Variants in PLEKHH1 observed in about 807,000 individuals in gnomAD.
PLEKHH1 encodes the protein pleckstrin homology domain-containing family H member 1.
In PLEKHH1, 104 loss-of-function variants were observed where a neutral mutation model predicts 160.0. That is an observed-to-expected ratio of 0.65 (90% CI 0.55 to 0.76). PLEKHH1 has a LOEUF of 0.76. PLEKHH1 is among the 30% of genes least tolerant of loss of function. The probability of loss-of-function intolerance (pLI) is 0.00; values close to 1 mark genes in which losing one functional copy is unlikely to be tolerated. For missense variants in PLEKHH1, 1,427 were observed against 1,724.1 expected (o/e 0.83, Z 3.05); for synonymous variants, 619 against 678.4 (o/e 0.91, Z 1.36).
chr14:67,550,381 G>A (rs371564057), intron 2 of PLEKHH1, among the ~76,000 whole-genome samples: 2 of 152,140 alleles, frequency 1.3e-5, no homozygotes, highest in Non-Finnish European at 2.9e-5. Context: ...TAGAGACAAG[G>A]TTTCAACATG....
chr14:67,581,456 G>A (rs190216767), intron 23 of PLEKHH1: 6 of 174,484 alleles, frequency 3.4e-5, no homozygotes, highest in Admixed American at 3.3e-4. Flanking sequence ...AACCTGGGAG[G>A]TTGAGGCTGC....
rs1343965601 is a variant in PLEKHH1, at chr14:67,571,739, G to C, written c.1435-13G>C. 1 of 1,608,156 alleles carries C rather than the reference G, an allele frequency of 6.2e-7. No individual in the cohort carries two copies. Among genetic ancestry groups the C allele is most frequent in the African/African-American group, 1.3e-5 (1 of 74,776 alleles). On this transcript the variant is annotated splice_polypyrimidine_tract_variant and intron_variant, in intron 9 of 28. Transcript: ENST00000329153. ...CAGCCTGAGCTGCAGTGAGGGAGGG[G>C]CCTGTCTTGCAGAGAGCTACACAGA... is the stretch of plus-strand genomic sequence containing the variant.
In PLEKHH1 at chr14:67,574,011, C is replaced by A; in HGVS notation, c.1926+124C>A. 1.3e-6 allele frequency: 1 copy of A among 761,868 alleles called. No individual in the cohort carries two copies. Among genetic ancestry groups the A allele is most frequent in the Non-Finnish European group, 2.3e-6 (1 of 444,054 alleles). The allele number at this position is 761,868 out of a possible 1,614,324, so 47.2% of individuals were successfully genotyped here. On this transcript the variant is annotated intron_variant, in intron 13 of 28. Transcript: ENST00000329153. This position sits in a 1 kb window ranked among gnomAD's most constrained non-coding sequence, Gnocchi z 4.2. ...GAAAGACTTCAGATCAACATTTGGA[C>A]GTGATCCTAACTTGTGAGTACAAGA...
rs1260325375 is a variant in PLEKHH1, at chr14:67,576,068, CTCTT to C, written c.2352+67_2352+70del. On this transcript the variant is annotated intron_variant, in intron 16 of 28. Coordinates refer to ENST00000329153, the MANE Select transcript of PLEKHH1 (RefSeq NM_020715.3). This position sits in a 1 kb window ranked among gnomAD's most constrained non-coding sequence, Gnocchi z 4.0. ...ACCTGTGATTCTGATCTTCCCTTCT[CTCTT>C]TCTCCTGAGCTTCCCAAAATTCAAA... is the stretch of plus-strand genomic sequence containing the variant. 9.1e-6 allele frequency: 12 copies of C among 1,315,768 alleles called. No homozygotes were observed. The highest frequency in any genetic ancestry group is 1.3e-5 in the Non-Finnish European group (12 of 944,656). The allele number at this position is 1,315,768 out of a possible 1,614,324, so 81.5% of individuals were successfully genotyped here. A position where few individuals can be genotyped will look rare whatever the true frequency, so the allele number is the denominator to read the frequency against.
chr14:67,546,238 A>G (rs1331552718), intron 2 of PLEKHH1, among the ~76,000 whole-genome samples: 1 of 152,230 alleles, frequency 6.6e-6, no homozygotes, highest in Admixed American at 6.5e-5. Flanking sequence ...CAGGGCTTCA[A>G]CTATATCTGT....
chr14:67,587,746 C>G lies in PLEKHH1; in HGVS notation c.*511C>G, dbSNP rs1292720833. 1.2e-5 allele frequency: 2 copies of G among 163,186 alleles called. No individual in the cohort carries two copies. The highest frequency in any genetic ancestry group is 2.4e-5 in the African/African-American group (1 of 41,464). 10.1% of individuals were successfully genotyped at this position (163,186 alleles called of 1,614,324 possible). ...TATTTTTAGTAGAGACGGGGTTTCA[C>G]CATGTTGGCCAGGCTGGTCTCGAAC... is the stretch of plus-strand genomic sequence containing the variant. On this transcript the variant is annotated 3_prime_UTR_variant, in exon 29 of 29. Transcript: ENST00000329153.
chr14:67,578,246 G>T lies in PLEKHH1; in HGVS notation c.2751+47G>T. 1 of 1,554,824 alleles carries T rather than the reference G, an allele frequency of 6.4e-7. No individual in the cohort carries two copies. The highest frequency in any genetic ancestry group is 8.8e-7 in the Non-Finnish European group (1 of 1,131,456). On this transcript the variant is annotated intron_variant, in intron 19 of 28. Transcript: ENST00000329153. The surrounding 1 kb of genome is among the most constrained non-coding windows in gnomAD (Gnocchi z 5.0). ...CAGCTGACAGAAGCCATTGGCAAGGGCTGCCAGGTGGGAAAGGTGGGAGGA... is the reference window on the plus strand; with the variant it reads ...CAGCTGACAGAAGCCATTGGCAAGGTCTGCCAGGTGGGAAAGGTGGGAGGA...
In PLEKHH1 at chr14:67,577,345, C is replaced by T. The variant is rs767102557; in HGVS notation, c.2505C>T (p.Asp835=). Residue 835 remains aspartate (D), a synonymous_variant, in exon 18 of 29, where the codon GAC becomes GAT. Coordinates refer to ENST00000329153, the MANE Select transcript of PLEKHH1 (RefSeq NM_020715.3). ...ACCCCATGCTGTGCTACAGCAAAGA[C>T]GGCCTATACGCCTCCCTCACCACCC... ...WRHPMLCYSK[D]GLYASLTTLP... 3.2e-5 allele frequency: 51 copies of T among 1,585,158 alleles called. No homozygotes were observed. The highest frequency in any genetic ancestry group is 3.8e-5 in the Non-Finnish European group (44 of 1,166,222).
intron 2 of PLEKHH1, among the ~76,000 whole-genome samples, chr14:67,544,437 G>GA (rs1035866727): frequency 6.6e-6 from 1 of 151,822 alleles, no homozygotes; most frequent in Non-Finnish European, 1.5e-5. Context: ...GATCCACACA[G>GA]AAAAAAAGCC....
In PLEKHH1 at chr14:67,578,296, G is replaced by C; in HGVS notation, c.2751+97G>C. 9.0e-7 allele frequency: 1 copy of C among 1,106,054 alleles called. No individual in the cohort carries two copies. Among genetic ancestry groups the C allele is most frequent in the South Asian group, 1.4e-5 (1 of 71,718 alleles). 68.5% of individuals were successfully genotyped at this position (1,106,054 alleles called of 1,614,324 possible). ...AGGTGACTGGGCAGGTATACGGTGA[G>C]CCCAGCCAGCGGGCAGCCTCTGTGC... is the stretch of plus-strand genomic sequence containing the variant. On this transcript the variant is annotated intron_variant, in intron 19 of 28. Coordinates refer to ENST00000329153, the MANE Select transcript of PLEKHH1 (RefSeq NM_020715.3). This position sits in a 1 kb window ranked among gnomAD's most constrained non-coding sequence, Gnocchi z 5.0.
intron 2 of PLEKHH1, 112 bp from the exon 3 acceptor site, chr14:67,555,713 C>T: frequency 1.3e-6 from 2 of 1,486,906 alleles, no homozygotes; most frequent in Non-Finnish European, 1.8e-6. Context: ...GAGATGGGCA[C>T]TTGAAGTCTG....
chr14:67,578,647 C>G lies in PLEKHH1; in HGVS notation c.2849+16C>G. On this transcript the variant is annotated intron_variant, in intron 20 of 28. Coordinates refer to ENST00000329153, the MANE Select transcript of PLEKHH1 (RefSeq NM_020715.3). The surrounding 1 kb of genome is among the most constrained non-coding windows in gnomAD (Gnocchi z 5.0). Reference sequence around the variant, plus strand: ...CAGATCCCAGGTGAGTGAACCTGGCCGTTTCCTCTGCCACTTGAGCACTGC... The same window carrying G: ...CAGATCCCAGGTGAGTGAACCTGGCGGTTTCCTCTGCCACTTGAGCACTGC... 1 of 1,513,446 alleles carries G rather than the reference C, an allele frequency of 6.6e-7. No individual in the cohort carries two copies. The highest frequency in any genetic ancestry group is 9.1e-7 in the Non-Finnish European group (1 of 1,101,708). The allele number at this position is 1,513,446 out of a possible 1,614,324, so 93.8% of individuals were successfully genotyped here. A position where few individuals can be genotyped will look rare whatever the true frequency, so the allele number is the denominator to read the frequency against.
At chr14:67,560,386 C>T (rs775239456) in intron 5 of PLEKHH1, among the ~76,000 whole-genome samples, 1 of 152,182 alleles carries the variant, frequency 6.6e-6, no homozygotes, top group African/African-American at 2.4e-5. Flanking sequence ...GTAAAATATA[C>T]ATAAAATGTA....
chr14:67,589,387 C>T lies in PLEKHH1; in HGVS notation c.*2152C>T. On this transcript the variant is annotated 3_prime_UTR_variant, in exon 29 of 29. Coordinates refer to ENST00000329153, the MANE Select transcript of PLEKHH1 (RefSeq NM_020715.3). ...AACCAAAGTCCAATTTCTGTCTGGC[C>T]TTTTGTCTCATCCTTCTTGGCAAAA... 2.0e-6 allele frequency: 2 copies of T among 985,076 alleles called. No individual in the cohort carries two copies. Among genetic ancestry groups the T allele is most frequent in the Non-Finnish European group, 2.4e-6 (2 of 829,686 alleles). 61.0% of individuals were successfully genotyped at this position (985,076 alleles called of 1,614,324 possible).
chr14:67,568,843 G>T (rs904190768), intron 7 of PLEKHH1, among the ~76,000 whole-genome samples: 1 of 152,154 alleles, frequency 6.6e-6, no homozygotes, highest in Non-Finnish European at 1.5e-5. Flanking sequence ...CAAAGGTGAA[G>T]GGTGGAGGCA....
chr14:67,582,851 A>G lies in PLEKHH1; in HGVS notation c.3426+641A>G, dbSNP rs1366074922. ...AAACTCTGTCTCAAAACAAAACAAA[A>G]CAAACAAACAAACAAAAACCTCTGC... On this transcript the variant is annotated intron_variant, in intron 24 of 28. Coordinates refer to ENST00000329153, the MANE Select transcript of PLEKHH1 (RefSeq NM_020715.3). The surrounding 1 kb of genome is among the most constrained non-coding windows in gnomAD (Gnocchi z 5.0). Among the ~76,000 whole-genome samples the G allele has an allele frequency of 6.6e-6, 1 of 152,052 alleles. No individual in the cohort carries two copies. The highest frequency in any genetic ancestry group is 1.9e-4 in the East Asian group (1 of 5,182).
At chr14:67,561,674 C>T (rs1296977666) in intron 5 of PLEKHH1, among the ~76,000 whole-genome samples, 1 of 151,864 alleles carries the variant, frequency 6.6e-6, no homozygotes, top group East Asian at 1.9e-4. Flanking sequence ...TTGGGACCAG[C>T]CTGGGCAACA....
chr14:67,559,925 C>T (rs185975292), intron 5 of PLEKHH1, among the ~76,000 whole-genome samples: 127 of 152,296 alleles, frequency 8.3e-4, no homozygotes, highest in African/African-American at 2.7e-3. Context: ...TTTAAGTTTG[C>T]GAGAAGGAAT....
intron 20 of PLEKHH1, 86 bp from the exon 21 acceptor site, chr14:67,579,048 C>G (rs529893772): frequency 1.1e-6 from 1 of 913,718 alleles, no homozygotes; most frequent in East Asian, 2.5e-5. Context: ...CAGTTTTGGT[C>G]CTGGCTGAGT....
Sources: gnomAD v4.1 joint callset for allele counts (sites outside exome capture counted in the v4.1 genomes callset) on GRCh38, gnomAD v4.1.1 for gene constraint, Gnocchi (gnomAD v3.1) non-coding constraint, MANE v1.5 for transcripts, NCBI Gene and HGNC (gene_info 2026-07-23, HGNC 2026-07-21) for gene names.